RALGAPA1: variants seen among roughly 807,000 people sequenced by gnomAD.
RALGAPA1 encodes ral GTPase-activating protein subunit alpha-1.
RALGAPA1 carries 52 observed loss-of-function variants against 269.6 expected under a neutral mutation model. The observed-to-expected ratio is 0.19, with a 90% CI of 0.15 to 0.24. RALGAPA1 has a LOEUF of 0.24. Ranked by LOEUF, RALGAPA1 falls within the 10% of genes least tolerant of loss-of-function variation. The probability of loss-of-function intolerance (pLI) is 1.00; values close to 1 mark genes in which losing one functional copy is unlikely to be tolerated. For missense variants in RALGAPA1, 1,917 were observed against 3,013.9 expected (o/e 0.64, Z 8.52); for synonymous variants, 817 against 1,008.3 (o/e 0.81, Z 3.60).
rs573435452 is a variant in RALGAPA1 at position 35,760,956 on chromosome 14, C to T, written c.420G>A (p.Gln140=). 1.6e-5 allele frequency: 25 copies of T among 1,610,788 alleles called. No individual in the cohort carries two copies. In the South Asian group the frequency reaches 2.4e-4, roughly 16 times the overall value. ...AGAGCTGTTCTTTGCTACAGTTATTCTGAAGAGCTTGCAACCATAGTAAGA... is the reference window on the plus strand; with the variant it reads ...AGAGCTGTTCTTTGCTACAGTTATTTTGAAGAGCTTGCAACCATAGTAAGA... ...RLFLLWLQAL[Q]NNCSKEQLWM... The change falls in exon 6 of 42, where the codon CAG becomes CAA. Residue 140 remains glutamine, a synonymous_variant. Coordinates refer to ENST00000680220, the MANE Select transcript of RALGAPA1 (RefSeq NM_001346249.2).
intron 39 of RALGAPA1, among the ~76,000 whole-genome samples, chr14:35,570,058 T>A (rs1594628697): frequency 6.6e-6 from 1 of 150,622 alleles, no homozygotes; most frequent in East Asian, 2.0e-4. Context: ...TCACCCGAGG[T>A]CAGGAGTTCG....
chr14:35,702,276 T>G (rs970168798), intron 16 of RALGAPA1, among the ~76,000 whole-genome samples: 11 of 152,256 alleles, frequency 7.2e-5, no homozygotes, highest in Middle Eastern at 3.4e-3. Context: ...AAGCAAAAAC[T>G]AAATGCATTT....
At position 35,685,045 on chromosome 14, in the gene RALGAPA1, G is replaced by C. The variant is rs564618364; in HGVS notation, c.4178C>G (p.Pro1393Arg). Residue 1393 changes from proline (P) to arginine (R), a missense_variant, in exon 20 of 42, where the codon CCA (proline) becomes CGA (arginine). Transcript: ENST00000680220. ...KQNQMRPIDDPGVPSEWTSPA... is the reference protein window; with the variant it reads ...KQNQMRPIDDRGVPSEWTSPA... ...AGAAGTCCATTCTGAGGGCACACCT[G>C]GGTCATCAATAGGGCGCATCTGGTT... 11 of 1,608,244 alleles carry C rather than the reference G, an allele frequency of 6.8e-6. No homozygotes were observed. The African/African-American group carries it at 1.3e-4, about 20-fold the overall frequency.
Position 35,539,709 on chromosome 14 carries a change from G to T in RALGAPA1, c.*24-19C>A, listed in dbSNP as rs1296644283. The T allele has an allele frequency of 6.2e-7, 1 of 1,612,958 alleles. No individual in the cohort carries two copies. The highest frequency in any genetic ancestry group is 8.5e-7 in the Non-Finnish European group (1 of 1,179,520). On this transcript the variant is annotated intron_variant, in intron 41 of 41. Transcript: ENST00000680220. ...TAGGAGCCTGTAGGAAACAGCAAGA[G>T]CATTACTACAGTTATCCAGCCTCTC...
intron 31 of RALGAPA1, among the ~76,000 whole-genome samples, chr14:35,644,702 G>A (rs761871666): frequency 6.6e-5 from 10 of 152,118 alleles, no homozygotes; most frequent in South Asian, 4.1e-4. Flanking sequence ...TAAGGAAAAC[G>A]GGGAAGGATG....
chr14:35,651,849 G>T lies in RALGAPA1; in HGVS notation c.5632C>A (p.Leu1878Ile). The T allele has an allele frequency of 1.2e-6, 2 of 1,604,352 alleles. No individual in the cohort carries two copies. ...GATGAAGCCTCTGTACTTGGTAAAA[G>T]ATGGGTGATGGTAGCTATTAGGATC... is the stretch of plus-strand genomic sequence containing the variant. ...IQILIATITH[L>I]LPSTEASSYE... is the part of the protein sequence containing the mutation. Residue 1878 changes from leucine (L) to isoleucine (I), a missense_variant, in exon 31 of 42, where the codon CTT becomes ATT. Physicochemically the swap from Leu to Ile is conservative, Grantham distance 5. This residue lies in a region of RALGAPA1 where 346 missense variants were observed against 566.1 expected (regional missense o/e 0.61). Coordinates refer to ENST00000680220, the MANE Select transcript of RALGAPA1 (RefSeq NM_001346249.2).
chr14:35,544,232 G>T (rs1218488324), intron 41 of RALGAPA1, among the ~76,000 whole-genome samples: 1 of 152,164 alleles, frequency 6.6e-6, no homozygotes, highest in Non-Finnish European at 1.5e-5. Flanking sequence ...TTTTCAATGG[G>T]TGGGAAAGTA....
chr14:35,575,258 T>C (rs1032736220), intron 37 of RALGAPA1, among the ~76,000 whole-genome samples: 23 of 152,210 alleles, frequency 1.5e-4, no homozygotes, highest in African/African-American at 5.3e-4. Flanking sequence ...AAGACTTCTG[T>C]ACATGGGATA....
chr14:35,544,701 T>A (rs2139026550), intron 41 of RALGAPA1, among the ~76,000 whole-genome samples: 1 of 152,316 alleles, frequency 6.6e-6, no homozygotes, highest in Non-Finnish European at 1.5e-5. Context: ...TGGCTGCCTA[T>A]AATTTCAGGC....
intron 39 of RALGAPA1, among the ~76,000 whole-genome samples, chr14:35,565,884 G>C (rs1490036568): frequency 6.6e-6 from 1 of 152,092 alleles, no homozygotes; most frequent in Non-Finnish European, 1.5e-5. Flanking sequence ...TTAAGGAATA[G>C]AATCATGATG....
chr14:35,746,778 GA>G (rs1158636581), intron 10 of RALGAPA1, among the ~76,000 whole-genome samples: 3 of 151,938 alleles, frequency 2.0e-5, no homozygotes, highest in Admixed American at 6.6e-5. Flanking sequence ...ATGTTGGGGG[GA>G]AAATCAGACT....
intron 39 of RALGAPA1, among the ~76,000 whole-genome samples, chr14:35,550,224 T>C (rs2054863406): frequency 6.6e-6 from 1 of 152,200 alleles, no homozygotes. Context: ...AAAACTCACA[T>C]GCTGACTTCA....
chr14:35,590,623 G>A (rs559858338), intron 37 of RALGAPA1, among the ~76,000 whole-genome samples: 203 of 152,212 alleles, frequency 1.3e-3, no homozygotes, highest in Non-Finnish European at 2.2e-3. Context: ...TAAGTCTCCT[G>A]AGCCCTCCCC....
At chr14:35,801,029 A>T (rs980039353) in intron 1 of RALGAPA1, among the ~76,000 whole-genome samples, 1 of 151,588 alleles carries the variant, frequency 6.6e-6, no homozygotes, top group Non-Finnish European at 1.5e-5. Flanking sequence ...AAAAATAAAA[A>T]AGAAAATAGC....
intron 3 of RALGAPA1, among the ~76,000 whole-genome samples, chr14:35,771,979 C>A (rs185796762): frequency 2.0e-5 from 3 of 152,174 alleles, no homozygotes; most frequent in African/African-American, 7.2e-5. Flanking sequence ...TTCATGAGAA[C>A]CCCATCAAAT....
At chr14:35,568,132 A>G (rs2056862303) in intron 39 of RALGAPA1, among the ~76,000 whole-genome samples, 1 of 152,170 alleles carries the variant, frequency 6.6e-6, no homozygotes, top group South Asian at 2.1e-4. Flanking sequence ...ATGCCAATAA[A>G]CAGATTAAAA....
chr14:35,682,622 T>C (rs2065552716), intron 21 of RALGAPA1, among the ~76,000 whole-genome samples: 1 of 152,128 alleles, frequency 6.6e-6, no homozygotes, highest in Non-Finnish European at 1.5e-5. Context: ...GTTTTTAACT[T>C]GAACAATTTC....
Position 35,688,753 on chromosome 14 carries a change from T to C in RALGAPA1, c.3658A>G (p.Thr1220Ala). 3 of 1,457,952 alleles carry C rather than the reference T, an allele frequency of 2.1e-6. No individual in the cohort carries two copies. Among genetic ancestry groups the C allele is most frequent in the South Asian group, 1.4e-5 (1 of 69,710 alleles). 90.3% of individuals were successfully genotyped at this position (1,457,952 alleles called of 1,614,324 possible). ...GVYRPLDTLG[T>A]ASVSSKTVKE... ...ACTGTTTTGCTGCTTACTGATGCAG[T>C]ACCAAGTGTATCTAGAGGTCTGTAC... is the stretch of plus-strand genomic sequence containing the variant. Residue 1220 changes from threonine (T) to alanine (A), a missense_variant, in exon 18 of 42, where the codon ACT becomes GCT. Thr to Ala is a moderately conservative substitution (Grantham distance 58, BLOSUM62 0). Coordinates refer to ENST00000680220, the MANE Select transcript of RALGAPA1 (RefSeq NM_001346249.2).
intron 8 of RALGAPA1, among the ~76,000 whole-genome samples, chr14:35,751,434 CT>C (rs1277445623): frequency 6.6e-6 from 1 of 152,076 alleles, no homozygotes; most frequent in Non-Finnish European, 1.5e-5. Context: ...GCAAATATTT[CT>C]GGTGGGCTAA....
Sources: gnomAD v4.1 joint callset for allele counts (sites outside exome capture counted in the v4.1 genomes callset) on GRCh38, gnomAD v4.1.1 for gene constraint, gnomAD v4.1.1 regional missense constraint, MANE v1.5 for transcripts, NCBI Gene and HGNC (gene_info 2026-07-23, HGNC 2026-07-21) for gene names.